The following MYH10 variants were observed in gnomAD, a reference collection of about 807,000 sequenced individuals.
MYH10 encodes the protein myosin heavy chain 10.
A neutral mutation model predicts 257.8 loss-of-function variants in MYH10; 55 were observed. The observed-to-expected ratio is 0.21, with a 90% confidence interval of 0.17 to 0.27. The LOEUF (loss-of-function observed/expected upper bound fraction) is 0.27. MYH10 is among the 10% of genes least tolerant of loss of function. The pLI, the probability that MYH10 is intolerant of heterozygous loss-of-function variation, is 1.00. For missense variants in MYH10, 1,631 were observed against 2,500.6 expected (o/e 0.65, Z 7.42); for synonymous variants, 854 against 921.7 (o/e 0.93, Z 1.33).
chr17:8,511,927 C>G (rs767802499), intron 24 of MYH10, among the ~76,000 whole-genome samples: 4 of 152,230 alleles, frequency 2.6e-5, no homozygotes, highest in Non-Finnish European at 4.4e-5. Flanking sequence ...GCACATTTGT[C>G]TGTTTCAATC....
In MYH10 at chr17:8,614,818, T is replaced by C. The variant is rs774701277; in HGVS notation, c.345+8084A>G. On this transcript the variant is annotated intron_variant, in intron 2 of 42. Transcript: ENST00000360416. ...CTATTATTTGCAAAGAATAAAAAAA[T>C]TGATAAGCCTCTGGTGACACTCATT... Among the ~76,000 whole-genome samples the C allele has an allele frequency of 5.3e-5, 8 of 152,094 alleles. No homozygotes were observed. In the East Asian group the frequency reaches 7.7e-4, roughly 15 times the overall value.
chr17:8,589,241 C>T lies in MYH10; in HGVS notation c.503-133G>A. ...TACTCCTCTCGAGCCAAGTTAATGC[C>T]TCCAACCCCATTATACAGTCCTAAA... On this transcript the variant is annotated intron_variant, in intron 3 of 42. Transcript: ENST00000360416. 3 of 790,136 alleles carry T rather than the reference C, an allele frequency of 3.8e-6. No individual in the cohort carries two copies. The Admixed American group carries it at 7.4e-5, about 19-fold the overall frequency. 48.9% of individuals were successfully genotyped at this position (790,136 alleles called of 1,614,324 possible).
intron 26 of MYH10, among the ~76,000 whole-genome samples, chr17:8,507,873 G>A (rs1318295330): frequency 6.6e-6 from 1 of 152,164 alleles, no homozygotes; most frequent in Admixed American, 6.5e-5. Flanking sequence ...TTGGGAGGCT[G>A]AGGCAAGAGA....
rs183251132 is a variant in MYH10, at chr17:8,521,309, A to G, written c.1958-24T>C. On this transcript the variant is annotated intron_variant, in intron 17 of 42. Coordinates refer to ENST00000360416, the MANE Select transcript of MYH10 (RefSeq NM_001256012.3). ...CACTGGGGAGAAGAAAGGAGAAAAC[A>G]AATATAAGCCAAACCTCACTCGTTA... The G allele has an allele frequency of 7.0e-5, 113 of 1,609,312 alleles. No individual in the cohort carries two copies. In the Admixed American group the frequency reaches 1.9e-3, roughly 27 times the overall value.
At chr17:8,609,128 G>A (rs1158742314) in intron 2 of MYH10, among the ~76,000 whole-genome samples, 1 of 152,168 alleles carries the variant, frequency 6.6e-6, no homozygotes, top group East Asian at 1.9e-4. Flanking sequence ...AAATTTTTCA[G>A]CCTGGAAGTG....
In MYH10 at chr17:8,525,478, A is replaced by G. The variant is rs2081812010; in HGVS notation, c.1958-4193T>C. Among the ~76,000 whole-genome samples the G allele has an allele frequency of 2.0e-5, 3 of 152,242 alleles. No homozygotes were observed. The South Asian group carries it at 6.2e-4, about 31-fold the overall frequency. On this transcript the variant is annotated intron_variant, in intron 17 of 42. Transcript: ENST00000360416. ...TGTTGGCCGGTGCCTGGTGCTGGGC[A>G]CACAGTAGCTATTTAATAAATATCT... is the stretch of plus-strand genomic sequence containing the variant.
At chr17:8,488,624 G>A (rs1459324650) in intron 35 of MYH10, among the ~76,000 whole-genome samples, 1 of 152,244 alleles carries the variant, frequency 6.6e-6, no homozygotes, top group Non-Finnish European at 1.5e-5. Context: ...AGAGGATGAT[G>A]GCTGGTGTGG....
intron 30 of MYH10, 61 bp downstream of exon 30, chr17:8,499,209 C>T (rs1166355429): frequency 6.5e-7 from 1 of 1,534,726 alleles, no homozygotes; most frequent in Non-Finnish European, 8.9e-7. Flanking sequence ...CAGAGGGATA[C>T]AATGGTAAAT....
intron 6 of MYH10, among the ~76,000 whole-genome samples, chr17:8,571,243 C>T (rs930640049): frequency 9.4e-5 from 14 of 148,354 alleles, no homozygotes; most frequent in African/African-American, 3.0e-4. Flanking sequence ...GGCGCGATCT[C>T]GGCTCACTGC....
chr17:8,523,882 G>A (rs2081744970), intron 17 of MYH10, among the ~76,000 whole-genome samples: 1 of 152,194 alleles, frequency 6.6e-6, no homozygotes, highest in South Asian at 2.1e-4. Flanking sequence ...GCAACCGAGT[G>A]GCGGTAGGGA....
chr17:8,572,744 T>C (rs942431027), intron 6 of MYH10, among the ~76,000 whole-genome samples: 2 of 152,134 alleles, frequency 1.3e-5, no homozygotes, highest in Non-Finnish European at 2.9e-5. Context: ...ACTACATTGA[T>C]AGTGTCATGG....
Position 8,615,537 on chromosome 17 carries a change from A to C in MYH10, c.345+7365T>G, listed in dbSNP as rs2085226075. On this transcript the variant is annotated intron_variant, in intron 2 of 42. Transcript: ENST00000360416. The stretch of plus-strand genomic sequence containing the variant: ...AATCTCACTGATGAATGAGGATGCA[A>C]AAATCCTAAACAAAATACTAGCAAA... Among the ~76,000 whole-genome samples, 3 of 152,204 alleles carry C rather than the reference A, an allele frequency of 2.0e-5. 1 individual carries two copies. The highest frequency in any genetic ancestry group is 4.4e-5 in the Non-Finnish European group (3 of 68,034).
At chr17:8,485,165 A>C (rs1409924963) in intron 36 of MYH10, among the ~76,000 whole-genome samples, 1 of 152,218 alleles carries the variant, frequency 6.6e-6, no homozygotes, top group Non-Finnish European at 1.5e-5. Flanking sequence ...TGCGGGATAC[A>C]AGATCAACAT....
rs187640418 is a variant in MYH10, at chr17:8,528,819, A to G, written c.1957+1804T>C. 7.6e-4 allele frequency among the ~76,000 whole-genome samples: 116 copies of G among 152,316 alleles called. 1 individual carries two copies. Among genetic ancestry groups the G allele is most frequent in the Middle Eastern group, 3.4e-3 (1 of 294 alleles). ...GGTCTTGAATCCATAAGCGCATTAA[A>G]GAGAAAACGATTTTGCTGTAAACTA... On this transcript the variant is annotated intron_variant, in intron 17 of 42. Transcript: ENST00000360416.
At chr17:8,497,001 C>T (rs1916739297) in intron 30 of MYH10, among the ~76,000 whole-genome samples, 1 of 152,156 alleles carries the variant, frequency 6.6e-6, no homozygotes, top group Non-Finnish European at 1.5e-5. Context: ...TGGAAGAAAA[C>T]ATTTCACGCA....
intron 1 of MYH10, 121 bp from the exon 2 acceptor site, chr17:8,623,398 G>C (rs1012441846): frequency 1.1e-6 from 1 of 946,760 alleles, no homozygotes; most frequent in African/African-American, 1.7e-5. Context: ...AGGAGCTGGG[G>C]TATACCTCTT....
rs1168382143 is a variant in MYH10 at position 8,569,391 on chromosome 17, T to C, written c.756+329A>G. On this transcript the variant is annotated intron_variant, in intron 7 of 42. Transcript: ENST00000360416. The surrounding 1 kb of genome is among the most constrained non-coding windows in gnomAD (Gnocchi z 4.1). Reference sequence around the variant, plus strand: ...TGCTCAGCGTGCACACCATTTATTCTCTACTCCGATTCCACTGACAGGTGT... The same window carrying C: ...TGCTCAGCGTGCACACCATTTATTCCCTACTCCGATTCCACTGACAGGTGT... Among the ~76,000 whole-genome samples the C allele has an allele frequency of 1.3e-5, 2 of 152,274 alleles. No individual in the cohort carries two copies.
At chr17:8,480,924 T>C (rs1414442107) in intron 38 of MYH10, among the ~76,000 whole-genome samples, 1 of 152,250 alleles carries the variant, frequency 6.6e-6, no homozygotes, top group Non-Finnish European at 1.5e-5. Flanking sequence ...CATGATGGCA[T>C]GCTCAAAAAG....
At chr17:8,629,135 A>G (rs1371004672) in intron 1 of MYH10, among the ~76,000 whole-genome samples, 1 of 152,252 alleles carries the variant, frequency 6.6e-6, no homozygotes, top group Non-Finnish European at 1.5e-5. Context: ...TGAAGGAGAT[A>G]AAACAATAAA....
Sources: gnomAD v4.1 joint callset for allele counts (sites outside exome capture counted in the v4.1 genomes callset) on GRCh38, gnomAD v4.1.1 for gene constraint, Gnocchi (gnomAD v3.1) non-coding constraint, MANE v1.5 for transcripts, NCBI Gene and HGNC (gene_info 2026-07-23, HGNC 2026-07-21) for gene names.